STAU2: variants seen among roughly 807,000 people sequenced by gnomAD.
The protein encoded by STAU2 is double-stranded RNA-binding protein Staufen homolog 2.
A neutral mutation model predicts 65.9 loss-of-function variants in STAU2; 20 were observed. The ratio of observed to expected loss-of-function variants is 0.30; its 90% CI spans 0.21 to 0.44. The LOEUF (loss-of-function observed/expected upper bound fraction) is 0.44. Among genes scored for constraint, STAU2 ranks in the 20% least tolerant of loss-of-function variants. The probability of loss-of-function intolerance (pLI) is 1.00; values close to 1 mark genes in which losing one functional copy is unlikely to be tolerated. For missense variants in STAU2, 558 were observed against 683.9 expected, an observed-to-expected ratio of 0.82 and a Z score of 2.05; for synonymous variants, 232 against 233.9, an observed-to-expected ratio of 0.99 and a Z score of 0.07.
intron 11 of STAU2, among the ~76,000 whole-genome samples, chr8:73,585,564 T>G (rs1810308039): frequency 6.6e-6 from 1 of 152,238 alleles, no homozygotes; most frequent in African/African-American, 2.4e-5. Flanking sequence ...AAAATTTCTT[T>G]CTTTTAAAGA....
intron 6 of STAU2, among the ~76,000 whole-genome samples, chr8:73,640,118 T>C (rs1461814893): frequency 6.6e-6 from 1 of 152,118 alleles, no homozygotes; most frequent in African/African-American, 2.4e-5. Flanking sequence ...ATCAATCAAC[T>C]GTATAGAAAC....
chr8:73,442,431 A>G (rs1351763756), intron 13 of STAU2, among the ~76,000 whole-genome samples: 1 of 152,174 alleles, frequency 6.6e-6, no homozygotes, highest in Non-Finnish European at 1.5e-5. Flanking sequence ...AGAAAAAGCT[A>G]GTATCCTGAT....
chr8:73,627,244 T>G (rs1455058359), intron 6 of STAU2, among the ~76,000 whole-genome samples: 9 of 55,498 alleles, frequency 1.6e-4, no homozygotes, highest in Non-Finnish European at 2.5e-4. Context: ...GGAGGGCGGG[T>G]TCCCTGGAGT....
intron 11 of STAU2, among the ~76,000 whole-genome samples, chr8:73,591,419 A>C (rs1272026804): frequency 6.6e-6 from 1 of 152,090 alleles, no homozygotes; most frequent in East Asian, 1.9e-4. Flanking sequence ...ACCCTAACTA[A>C]AGGGCAAAGT....
rs759350429 is a variant in STAU2, at chr8:73,421,140, T to C, written c.*232A>G. The C allele has an allele frequency of 2.8e-5, 12 of 425,648 alleles. No homozygotes were observed. The highest frequency in any genetic ancestry group is 4.0e-5 in the African/African-American group (2 of 49,402). 26.4% of individuals were successfully genotyped at this position (425,648 alleles called of 1,614,324 possible). On this transcript the variant is annotated 3_prime_UTR_variant, in exon 15 of 15. Coordinates refer to ENST00000524300, the MANE Select transcript of STAU2 (RefSeq NM_001164380.2). ...AGCAGGATCAGATTTCTGCTGCCTC[T>C]AGGCAAATGAGTTATGATCTGATCT... is the stretch of plus-strand genomic sequence containing the variant.
chr8:73,733,755 C>T (rs982056017), intron 3 of STAU2, among the ~76,000 whole-genome samples: 8 of 151,978 alleles, frequency 5.3e-5, no homozygotes, highest in Non-Finnish European at 8.8e-5. Context: ...AAAATACCAC[C>T]TTTTGTCAGA....
chr8:73,677,692 T>G (rs369401597), intron 5 of STAU2, among the ~76,000 whole-genome samples: 1 of 152,138 alleles, frequency 6.6e-6, no homozygotes, highest in African/African-American at 2.4e-5. Flanking sequence ...GAAGCTTCCA[T>G]AGCACTAGTA....
chr8:73,684,333 C>T (rs776324432), intron 5 of STAU2, among the ~76,000 whole-genome samples: 3 of 152,058 alleles, frequency 2.0e-5, no homozygotes, highest in Admixed American at 6.6e-5. Context: ...ATTTTCATCA[C>T]AGCACACAAA....
chr8:73,691,860 C>T (rs1295812826), intron 4 of STAU2, among the ~76,000 whole-genome samples: 1 of 152,080 alleles, frequency 6.6e-6, no homozygotes, highest in African/African-American at 2.4e-5. Context: ...CTTGGAATTT[C>T]CTGGGTGATA....
chr8:73,642,112 C>T (rs930943176), intron 6 of STAU2, among the ~76,000 whole-genome samples: 4 of 152,166 alleles, frequency 2.6e-5, no homozygotes, highest in Non-Finnish European at 4.4e-5. Flanking sequence ...AAATGTGTTT[C>T]GGTTTTGGTT....
At chr8:73,734,432 T>A (rs1307574656) in intron 3 of STAU2, among the ~76,000 whole-genome samples, 1 of 152,150 alleles carries the variant, frequency 6.6e-6, no homozygotes, top group Non-Finnish European at 1.5e-5. Context: ...TAATATCAAA[T>A]AACCTGATAT....
chr8:73,654,655 A>AAAAAAAAAAAAAAAAAAAAAAAAAT (rs1816175116), intron 6 of STAU2, among the ~76,000 whole-genome samples: 1 of 141,476 alleles, frequency 7.1e-6, no homozygotes, highest in Non-Finnish European at 1.5e-5. Context: ...AAAAAAAAAA[A>AAAAAAAAAAAAAAAAAAAAAAAAAT]AAAAAAGAAC....
At chr8:73,659,741 A>C (rs1047458494) in intron 6 of STAU2, among the ~76,000 whole-genome samples, 2 of 152,206 alleles carry the variant, frequency 1.3e-5, no homozygotes, top group Non-Finnish European at 2.9e-5. Flanking sequence ...GCCTCAAATA[A>C]AAGAATAGAG....
chr8:73,523,392 G>A (rs1337628749), intron 13 of STAU2, among the ~76,000 whole-genome samples: 1 of 151,812 alleles, frequency 6.6e-6, no homozygotes, highest in Non-Finnish European at 1.5e-5. Flanking sequence ...ACGAGTACGT[G>A]ATAAAGCAAT....
At chr8:73,560,282 G>A (rs928391737) in intron 12 of STAU2, among the ~76,000 whole-genome samples, 11 of 151,888 alleles carry the variant, frequency 7.2e-5, no homozygotes, top group South Asian at 2.1e-4. Flanking sequence ...GGGTTTCACC[G>A]TGTCAGCCAG....
intron 9 of STAU2, among the ~76,000 whole-genome samples, chr8:73,612,068 C>T (rs1812515942): frequency 6.6e-6 from 1 of 152,082 alleles, no homozygotes; most frequent in Non-Finnish European, 1.5e-5. Context: ...CAGTTTTGTG[C>T]CACCATTCCA....
intron 13 of STAU2, among the ~76,000 whole-genome samples, chr8:73,517,433 A>AAAATAAAT (rs57516116): frequency 0.48 from 72,407 of 150,650 alleles, 17,469 homozygotes; most frequent in East Asian, 0.56. Context: ...TCAATAAATA[A>AAAATAAAT]AAATAAATAA....
intron 13 of STAU2, among the ~76,000 whole-genome samples, chr8:73,492,693 T>A (rs1349768471): frequency 2.0e-5 from 3 of 151,814 alleles, no homozygotes; most frequent in South Asian, 2.1e-4. Flanking sequence ...AATGCAAAGG[T>A]TGATGGGAGT....
At chr8:73,548,253 TAA>T (rs761335258) in intron 13 of STAU2, among the ~76,000 whole-genome samples, 38 of 130,656 alleles carry the variant, frequency 2.9e-4, no homozygotes, top group Admixed American at 3.1e-4. Context: ...TACCTTATTC[TAA>T]AAAAAAAAAA....
Sources: allele counts gnomAD v4.1 joint callset (sites outside exome capture counted in the v4.1 genomes callset), GRCh38; gene constraint gnomAD v4.1.1; transcripts MANE v1.5; gene names NCBI Gene and HGNC (gene_info 2026-07-23, HGNC 2026-07-21).